The following UPRT variants were observed in gnomAD, a reference collection of about 807,000 sequenced individuals.
The protein encoded by UPRT is RP11-311P8.3.
A neutral mutation model predicts 22.6 loss-of-function variants in UPRT; 5 were observed. That is an observed-to-expected ratio of 0.22 (90% CI 0.12 to 0.47). The LOEUF is 0.47. Among genes scored for constraint, UPRT ranks in the 20% least tolerant of loss-of-function variants. The probability of loss-of-function intolerance (pLI) is 0.99; values close to 1 mark genes in which losing one functional copy is unlikely to be tolerated. For synonymous variants in UPRT, 77 were observed against 87.7 expected (o/e 0.88, Z 0.68); for missense variants, 181 against 239.9 (o/e 0.75, Z 1.62).
chrX:75,199,698 G>A (rs886754479), intron 4 of UPRT, among the ~76,000 whole-genome samples: 2 of 111,517 alleles, frequency 1.8e-5, no homozygotes, highest in Non-Finnish European at 3.8e-5. Flanking sequence ...CCACAGGGGT[G>A]TAGAGCACCA....
chrX:75,251,270 T>C (rs993986149), intron 4 of UPRT, among the ~76,000 whole-genome samples: 18 of 111,582 alleles, frequency 1.6e-4, no homozygotes, highest in African/African-American at 5.9e-4. Context: ...GGAAGTCAAA[T>C]TGTCCCTGTT....
At chrX:75,290,275 A>G (rs1237934081) in intron 1 of UPRT, among the ~76,000 whole-genome samples, 2 of 111,885 alleles carry the variant, frequency 1.8e-5, no homozygotes, top group Non-Finnish European at 3.8e-5. Context: ...ACCCGTTAGA[A>G]TGGTGATTAT....
intron 4 of UPRT, among the ~76,000 whole-genome samples, chrX:75,250,712 G>A (rs1213076588): frequency 9.0e-6 from 1 of 111,422 alleles, no homozygotes; most frequent in Non-Finnish European, 1.9e-5. Context: ...CTCATTTTAT[G>A]AGGCCAGCAT....
At chrX:75,183,728 C>G (rs377461847) in intron 4 of UPRT, among the ~76,000 whole-genome samples, 9 of 112,176 alleles carry the variant, frequency 8.0e-5, no homozygotes, top group Admixed American at 1.9e-4. Context: ...ACTGGTGTGA[C>G]ATGGTATCTC....
At chrX:75,284,709 G>A (rs771725434) in intron 1 of UPRT, among the ~76,000 whole-genome samples, 5 of 111,436 alleles carry the variant, frequency 4.5e-5, no homozygotes, top group Admixed American at 1.9e-4. Context: ...GGCAGGGGGG[G>A]GTGCAGTGGA....
chrX:75,209,510 A>T (rs1238541944), intron 4 of UPRT, among the ~76,000 whole-genome samples: 1 of 111,875 alleles, frequency 8.9e-6, no homozygotes, highest in Admixed American at 9.4e-5. Flanking sequence ...AGTAGCTGGG[A>T]TACAGGCATC....
At chrX:75,157,817 T>C (rs2082187086) in intron 1 of UPRT, among the ~76,000 whole-genome samples, 1 of 112,391 alleles carries the variant, frequency 8.9e-6, no homozygotes, top group African/African-American at 3.2e-5. Flanking sequence ...TAGTGACTAA[T>C]TGGATGTTTC....
intron 1 of UPRT, among the ~76,000 whole-genome samples, chrX:75,293,004 T>C (rs907658885): frequency 8.9e-6 from 1 of 112,069 alleles, no homozygotes; most frequent in Non-Finnish European, 1.9e-5. Context: ...GATTTATTTA[T>C]TGGTACCATT....
At chrX:75,222,705 G>T (rs1051528864) in intron 4 of UPRT, among the ~76,000 whole-genome samples, 2 of 110,784 alleles carry the variant, frequency 1.8e-5, no homozygotes, top group African/African-American at 6.6e-5. Context: ...GGTAAATTCT[G>T]CCTGGTCTAG....
upstream of UPRT, among the ~76,000 whole-genome samples, chrX:75,270,929 GA>G (rs796443179): frequency 4.6e-5 from 5 of 108,475 alleles, no homozygotes; most frequent in African/African-American, 1.7e-4. Context: ...CACTTTATGT[GA>G]AAAAAAAATC....
chrX:75,265,764 T>C (rs2147673827), intron 4 of UPRT, among the ~76,000 whole-genome samples: 1 of 111,256 alleles, frequency 9.0e-6, no homozygotes, highest in East Asian at 2.8e-4. Flanking sequence ...CTCTGATTTT[T>C]AGATTTTTCA....
At chrX:75,166,454 A>G (rs751289645) in intron 3 of UPRT, among the ~76,000 whole-genome samples, 32 of 111,976 alleles carry the variant, frequency 2.9e-4, no homozygotes, top group East Asian at 2.8e-4. Context: ...AGCCTCCTCC[A>G]TGGAGCTAAC....
intron 4 of UPRT, among the ~76,000 whole-genome samples, chrX:75,174,597 T>A (rs1175787993): frequency 1.3e-4 from 14 of 111,361 alleles, no homozygotes; most frequent in African/African-American, 4.3e-4. Flanking sequence ...TCTCATACTA[T>A]CCCTTACTGG....
At chrX:75,302,493 C>G (rs2082747676) in intron 6 of UPRT, among the ~76,000 whole-genome samples, 1 of 110,923 alleles carries the variant, frequency 9.0e-6, no homozygotes, top group Admixed American at 9.6e-5. Context: ...TTGGTCATCT[C>G]TTAAGCTTGG....
chrX:75,167,214 T>C (rs766318031), intron 3 of UPRT, among the ~76,000 whole-genome samples: 1 of 112,283 alleles, frequency 8.9e-6, no homozygotes, highest in Non-Finnish European at 1.9e-5. Flanking sequence ...AATTTAGCAC[T>C]GTAAAAAATT....
intron 4 of UPRT, among the ~76,000 whole-genome samples, chrX:75,185,425 G>A (rs1476490966): frequency 8.9e-6 from 1 of 112,032 alleles, no homozygotes; most frequent in Non-Finnish European, 1.9e-5. Context: ...TGGTTTGCCA[G>A]TATTTTATTG....
In UPRT at chrX:75,232,419, G is replaced by A. The variant is rs766106366; in HGVS notation, c.-446-58605G>A. ...GGTAAACAAAGCAGCCTGGAAGCTCGAACTGGGTGGAGCCCACCACAGCTC... is the reference window on the plus strand; with the variant it reads ...GGTAAACAAAGCAGCCTGGAAGCTCAAACTGGGTGGAGCCCACCACAGCTC... On this transcript the variant is annotated intron_variant, in intron 4 of 13. Transcript: ENST00000652605. 4.6e-3 allele frequency among the ~76,000 whole-genome samples: 515 copies of A among 112,605 alleles called. 1 individual carries two copies. Among genetic ancestry groups the A allele is most frequent in the African/African-American group, 0.016 (497 of 31,052 alleles).
At chrX:75,218,089 A>G (rs536749559) in intron 4 of UPRT, among the ~76,000 whole-genome samples, 3,491 of 111,624 alleles carry the variant, frequency 0.031, 144 homozygotes, top group African/African-American at 0.11. Flanking sequence ...CTACCATCAG[A>G]GTGAACAGGC....
chrX:75,161,020 C>A (rs1027266897), intron 2 of UPRT, among the ~76,000 whole-genome samples: 1 of 112,327 alleles, frequency 8.9e-6, no homozygotes. Flanking sequence ...AACACATACA[C>A]ACATGTTTAT....
Sources: gnomAD v4.1 joint callset for allele counts (sites outside exome capture counted in the v4.1 genomes callset) on GRCh38, gnomAD v4.1.1 for gene constraint, MANE v1.5 for transcripts, NCBI Gene and HGNC (gene_info 2026-07-23, HGNC 2026-07-21) for gene names.